Variants in CNTN1 observed in about 807,000 individuals in gnomAD.
CNTN1 encodes contactin-1.
Under a neutral mutation model 126.4 loss-of-function variants are expected in CNTN1, and 38 were observed. The ratio of observed to expected loss-of-function variants is 0.30; its 90% CI spans 0.23 to 0.39. The LOEUF (loss-of-function observed/expected upper bound fraction) is 0.39. Among genes scored for constraint, CNTN1 ranks in the 10% least tolerant of loss-of-function variants. CNTN1 has a pLI of 1.00. For synonymous variants in CNTN1, 413 were observed against 422.6 expected (o/e 0.98, Z 0.28); for missense variants, 1,009 against 1,248.4 (o/e 0.81, Z 2.89).
chr12:40,943,637 A>T lies in CNTN1; in HGVS notation c.1420A>T (p.Ile474Phe), dbSNP rs1946336783. The change falls in exon 13 of 24, where the codon ATT becomes TTT. Residue 474 changes from isoleucine to phenylalanine, a missense_variant. By Grantham distance (21) the Ile-to-Phe change is conservative. Transcript: ENST00000551295. Reference protein sequence around the residue: ...WEDGSLEINNITRNDGGIYTC... With the variant: ...WEDGSLEINNFTRNDGGIYTC... The stretch of plus-strand genomic sequence containing the variant: ...AGATGGTAGCTTGGAAATCAACAAC[A>T]TTACAAGGAATGATGGAGGTATCTA... 1 of 1,600,978 alleles carries T rather than the reference A, an allele frequency of 6.2e-7. No individual in the cohort carries two copies. The highest frequency in any genetic ancestry group is 8.6e-7 in the Non-Finnish European group (1 of 1,168,422).
At chr12:40,782,370 A>T (rs1378351331) in intron 1 of CNTN1, among the ~76,000 whole-genome samples, 1 of 152,000 alleles carries the variant, frequency 6.6e-6, no homozygotes, top group Non-Finnish European at 1.5e-5. Context: ...ATTTATGAAT[A>T]TGCCAAAACC....
chr12:40,996,797 A>C (rs1948229265), intron 17 of CNTN1, among the ~76,000 whole-genome samples: 1 of 152,244 alleles, frequency 6.6e-6, no homozygotes, highest in African/African-American at 2.4e-5. Context: ...ATTAAAATTG[A>C]ATATGCATCA....
rs145977060 is a variant in CNTN1 at position 40,951,573 on chromosome 12, G to GT, written c.1683+7404dup. 2.2e-3 allele frequency among the ~76,000 whole-genome samples: 332 copies of GT among 151,840 alleles called. 3 individuals are homozygous for GT. The highest frequency in any genetic ancestry group is 4.3e-3 in the Non-Finnish European group (289 of 67,948). On this transcript the variant is annotated intron_variant, in intron 14 of 23. Coordinates refer to ENST00000551295, the MANE Select transcript of CNTN1 (RefSeq NM_001843.4). Reference sequence around the variant, plus strand: ...TGCATACAAAAATTGGCCTAGGGTGGTGGTGCACACCTGTAATCCCAGCTA... The same window carrying GT: ...TGCATACAAAAATTGGCCTAGGGTGGTTGGTGCACACCTGTAATCCCAGCTA...
chr12:40,990,903 G>T (rs1351247487), intron 16 of CNTN1, among the ~76,000 whole-genome samples: 2 of 152,128 alleles, frequency 1.3e-5, no homozygotes, highest in Non-Finnish European at 2.9e-5. Context: ...GGAAGCAGGG[G>T]AGCAGGTCAG....
At chr12:40,841,340 T>G (rs1340527903) in intron 1 of CNTN1, among the ~76,000 whole-genome samples, 1 of 152,016 alleles carries the variant, frequency 6.6e-6, no homozygotes, top group African/African-American at 2.4e-5. Flanking sequence ...CACAGTTGAA[T>G]TCAATCATAC....
intron 23 of CNTN1, among the ~76,000 whole-genome samples, chr12:41,034,450 C>G (rs1025564): frequency 0.011 from 1,699 of 152,260 alleles, 28 homozygotes; most frequent in African/African-American, 0.038. Flanking sequence ...CCTGTCCTCC[C>G]TTCTCCATTT....
intron 23 of CNTN1, among the ~76,000 whole-genome samples, chr12:41,042,930 G>C (rs1245438515): frequency 6.6e-6 from 1 of 152,146 alleles, no homozygotes; most frequent in Non-Finnish European, 1.5e-5. Flanking sequence ...ATGGTGCTGG[G>C]AAAACTGGCT....
chr12:40,795,861 G>GT (rs1311018640), intron 1 of CNTN1, among the ~76,000 whole-genome samples: 1 of 151,990 alleles, frequency 6.6e-6, no homozygotes, highest in Non-Finnish European at 1.5e-5. Flanking sequence ...TGTGCTAAGT[G>GT]TTTTTTAAAT....
chr12:40,770,701 A>G (rs1190046201), intron 1 of CNTN1, among the ~76,000 whole-genome samples: 1 of 152,146 alleles, frequency 6.6e-6, no homozygotes, highest in Non-Finnish European at 1.5e-5. Flanking sequence ...ATAATATGCC[A>G]TTAACAAAAA....
chr12:41,034,513 A>T (rs866762991), intron 23 of CNTN1, among the ~76,000 whole-genome samples: 1 of 152,176 alleles, frequency 6.6e-6, no homozygotes. Flanking sequence ...GTTTAGATTC[A>T]TTTCATATGT....
intron 19 of CNTN1, among the ~76,000 whole-genome samples, chr12:41,018,085 C>A (rs73116993): frequency 0.12 from 18,490 of 149,472 alleles, 1,313 homozygotes; most frequent in Non-Finnish European, 0.16. Flanking sequence ...AGCGAAAGTC[C>A]ATCTCAAAAA....
intron 1 of CNTN1, among the ~76,000 whole-genome samples, chr12:40,789,901 TATG>T (rs980272929): frequency 6.6e-6 from 1 of 152,136 alleles, no homozygotes; most frequent in Non-Finnish European, 1.5e-5. Context: ...CCTTGGAAAA[TATG>T]ATGGGAACAC....
intron 1 of CNTN1, among the ~76,000 whole-genome samples, chr12:40,837,592 G>A (rs998607538): frequency 3.3e-5 from 5 of 152,196 alleles, no homozygotes; most frequent in African/African-American, 1.2e-4. Context: ...ACAGCAAGGT[G>A]CCATTTTTAA....
At chr12:40,900,150 T>C (rs1408349422) in intron 1 of CNTN1, among the ~76,000 whole-genome samples, 1 of 152,202 alleles carries the variant, frequency 6.6e-6, no homozygotes, top group East Asian at 1.9e-4. Context: ...GCATGCATTT[T>C]ACAGAACAAC....
intron 1 of CNTN1, among the ~76,000 whole-genome samples, chr12:40,846,194 T>TA (rs902161256): frequency 6.5e-4 from 96 of 147,480 alleles, no homozygotes; most frequent in Admixed American, 4.5e-3. Context: ...GGGGTGAGGG[T>TA]AAAAAAAAAA....
chr12:40,732,620 C>G (rs1418873401), intron 1 of CNTN1, among the ~76,000 whole-genome samples: 2 of 151,942 alleles, frequency 1.3e-5, no homozygotes, highest in African/African-American at 4.8e-5. Context: ...TAATGTCATG[C>G]AAAAGAACAT....
rs959226165 is a variant in CNTN1 at position 40,960,223 on chromosome 12, TG to T, written c.1804+990del. 2.6e-4 allele frequency among the ~76,000 whole-genome samples: 39 copies of T among 152,036 alleles called. No homozygotes were observed. In the South Asian group the frequency reaches 3.1e-3, roughly 12 times the overall value. ...TCTCCTAAGTTGTAAAATTCATATA[TG>T]TTTTTTTTTTAGTGAATGGCAGAGT... is the stretch of plus-strand genomic sequence containing the variant. On this transcript the variant is annotated intron_variant, in intron 15 of 23. Transcript: ENST00000551295.
At chr12:40,836,162 A>T (rs1159975633) in intron 1 of CNTN1, among the ~76,000 whole-genome samples, 1 of 147,818 alleles carries the variant, frequency 6.8e-6, no homozygotes, top group Non-Finnish European at 1.5e-5. Context: ...ATGATAATAT[A>T]TAATCGTATA....
At chr12:41,007,312 G>A (rs926420265) in intron 17 of CNTN1, among the ~76,000 whole-genome samples, 10 of 151,958 alleles carry the variant, frequency 6.6e-5, no homozygotes, top group Middle Eastern at 3.4e-3. Flanking sequence ...CGCCCGCCTC[G>A]GCCTCCCAAA....
Sources: allele counts gnomAD v4.1 joint callset (sites outside exome capture counted in the v4.1 genomes callset), GRCh38; gene constraint gnomAD v4.1.1; transcripts MANE v1.5; gene names NCBI Gene and HGNC (gene_info 2026-07-23, HGNC 2026-07-21).